The following SYT9 variants were observed in gnomAD, a reference collection of about 807,000 sequenced individuals.
The protein encoded by SYT9 is synaptotagmin 9, also known as synaptotagmin-9.
In SYT9, 22 loss-of-function variants were observed where a neutral mutation model predicts 48.4. The observed-to-expected ratio is 0.45, with a 90% CI of 0.32 to 0.65. SYT9 has a LOEUF of 0.65. Ranked by LOEUF, SYT9 falls within the 30% of genes least tolerant of loss-of-function variation. The probability of loss-of-function intolerance (pLI) is 0.03; values close to 1 mark genes in which losing one functional copy is unlikely to be tolerated. For synonymous variants in SYT9, 265 were observed against 245.0 expected (o/e 1.08, Z -0.76); for missense variants, 577 against 622.0 (o/e 0.93, Z 0.77).
chr11:7,378,224 G>T (rs1446832909), intron 3 of SYT9, among the ~76,000 whole-genome samples: 1 of 152,144 alleles, frequency 6.6e-6, no homozygotes. Context: ...GAAGGTGGGT[G>T]TGGGGGTTAA....
intron 6 of SYT9, 71 bp downstream of exon 6, chr11:7,420,706 C>G: frequency 1.3e-6 from 2 of 1,583,654 alleles, no homozygotes; most frequent in Non-Finnish European, 1.7e-6. Context: ...CAGGAGCTGC[C>G]AAACATATGA....
chr11:7,436,499 A>G (rs1287866748), intron 6 of SYT9, among the ~76,000 whole-genome samples: 1 of 152,242 alleles, frequency 6.6e-6, no homozygotes, highest in Non-Finnish European at 1.5e-5. Context: ...ATGTTTCTAG[A>G]TTATTTGTAA....
At chr11:7,326,340 G>A (rs1273861922) in intron 3 of SYT9, among the ~76,000 whole-genome samples, 167 of 68,126 alleles carry the variant, frequency 2.5e-3, no homozygotes, top group Non-Finnish European at 4.2e-3. Flanking sequence ...GTTTAGTCTT[G>A]GGAGAGTGTA....
Position 7,418,015 on chromosome 11 carries a change from A to G in SYT9, c.1224A>G (p.Thr408=). 6.2e-7 allele frequency: 1 copy of G among 1,614,224 alleles called. No individual in the cohort carries two copies. The highest frequency in any genetic ancestry group is 8.5e-7 in the Non-Finnish European group (1 of 1,180,040). Residue 408 remains threonine (T), a synonymous_variant, in exon 5 of 7, where the codon ACA becomes ACG. Transcript: ENST00000318881. The part of the protein sequence containing the change: ...CDGRRLKKRK[T]STKRNTLNPV... ...GCAGACGACTGAAGAAGAGGAAAAC[A>G]TCCACCAAGAGGAACACCTTGAATC...
chr11:7,311,109 C>A (rs142222725), intron 2 of SYT9, among the ~76,000 whole-genome samples: 1 of 152,228 alleles, frequency 6.6e-6, no homozygotes, highest in African/African-American at 2.4e-5. Context: ...TCGAGACCAG[C>A]CTGACCAACA....
chr11:7,424,274 T>G (rs1294848930), intron 6 of SYT9, among the ~76,000 whole-genome samples: 2 of 152,170 alleles, frequency 1.3e-5, no homozygotes, highest in African/African-American at 4.8e-5. Context: ...TAGGGCTCCC[T>G]TTACTCCCCA....
At chr11:7,317,005 T>A (rs573791766) in intron 3 of SYT9, among the ~76,000 whole-genome samples, 1 of 152,366 alleles carries the variant, frequency 6.6e-6, no homozygotes, top group Non-Finnish European at 1.5e-5. Context: ...GGGATGCAAA[T>A]CCCTTGTTGG....
intron 3 of SYT9, among the ~76,000 whole-genome samples, chr11:7,324,964 G>C (rs1849403875): frequency 6.6e-6 from 1 of 151,812 alleles, no homozygotes; most frequent in Admixed American, 6.6e-5. Flanking sequence ...TTCATCTTTA[G>C]TTCTATCAAA....
At chr11:7,270,780 A>C (rs1848278854) in intron 1 of SYT9, among the ~76,000 whole-genome samples, 1 of 152,044 alleles carries the variant, frequency 6.6e-6, no homozygotes, top group Admixed American at 6.6e-5. Flanking sequence ...TCTTGTGAAA[A>C]GCTGCTTCCA....
At chr11:7,295,070 C>T (rs1170639869) in intron 1 of SYT9, among the ~76,000 whole-genome samples, 2 of 152,156 alleles carry the variant, frequency 1.3e-5, no homozygotes, top group African/African-American at 4.8e-5. Flanking sequence ...GTCAGTTGGC[C>T]ACACTGTTAG....
intron 3 of SYT9, among the ~76,000 whole-genome samples, chr11:7,337,107 A>G (rs777006525): frequency 6.6e-6 from 1 of 151,978 alleles, no homozygotes; most frequent in East Asian, 1.9e-4. Flanking sequence ...TTTTGTGACA[A>G]TTGTGAATGG....
At chr11:7,443,476 A>G (rs186654793) in intron 6 of SYT9, among the ~76,000 whole-genome samples, 3 of 152,376 alleles carry the variant, frequency 2.0e-5, no homozygotes, top group Non-Finnish European at 4.4e-5. Context: ...GCCCGTGCAC[A>G]TGGTAGGCAC....
chr11:7,255,750 C>A (rs984682049), intron 1 of SYT9, among the ~76,000 whole-genome samples: 1 of 152,096 alleles, frequency 6.6e-6, no homozygotes, highest in African/African-American at 2.4e-5. Context: ...GGAGGGAAAT[C>A]ATGAGGTTTA....
intron 6 of SYT9, among the ~76,000 whole-genome samples, chr11:7,463,812 C>T (rs1848278076): frequency 1.3e-5 from 2 of 152,176 alleles, no homozygotes; most frequent in South Asian, 4.1e-4. Flanking sequence ...GTAGGCTGCA[C>T]CGCCGTATTT....
intron 3 of SYT9, among the ~76,000 whole-genome samples, chr11:7,374,322 T>TG (rs1850415758): frequency 6.6e-6 from 1 of 152,128 alleles, no homozygotes; most frequent in Non-Finnish European, 1.5e-5. Context: ...AGTCTATCAT[T>TG]ATGGGCATTT....
At chr11:7,430,201 G>C (rs1847543660) in intron 6 of SYT9, among the ~76,000 whole-genome samples, 1 of 152,076 alleles carries the variant, frequency 6.6e-6, no homozygotes, top group Non-Finnish European at 1.5e-5. Context: ...TTCAGTCATT[G>C]GTGGTAGAAT....
intron 3 of SYT9, among the ~76,000 whole-genome samples, chr11:7,353,816 T>G (rs1589966634): frequency 6.6e-6 from 1 of 152,366 alleles, no homozygotes; most frequent in East Asian, 1.9e-4. Flanking sequence ...ATGCACTGAC[T>G]GCCAGTATAT....
intron 1 of SYT9, among the ~76,000 whole-genome samples, chr11:7,275,598 A>G (rs1848373157): frequency 1.3e-5 from 2 of 152,118 alleles, no homozygotes; most frequent in African/African-American, 4.8e-5. Context: ...GTCCTCTCCA[A>G]TCCTAGAACA....
rs573508183 is a variant in SYT9 at position 7,368,395 on chromosome 11, A to C, written c.1045-47647A>C. Among the ~76,000 whole-genome samples, 3 of 152,228 alleles carry C rather than the reference A, an allele frequency of 2.0e-5. No homozygotes were observed. In the South Asian group the frequency reaches 6.2e-4, roughly 32 times the overall value. On this transcript the variant is annotated intron_variant, in intron 3 of 6. Transcript: ENST00000318881. Reference sequence around the variant, plus strand: ...TTAAGTTCTGGGATACATGTGCAGAATGTGCAGGTCTGTTACTTAGGTATA... The same window carrying C: ...TTAAGTTCTGGGATACATGTGCAGACTGTGCAGGTCTGTTACTTAGGTATA...
Sources: gnomAD v4.1 joint callset for allele counts (sites outside exome capture counted in the v4.1 genomes callset) on GRCh38, gnomAD v4.1.1 for gene constraint, MANE v1.5 for transcripts, NCBI Gene and HGNC (gene_info 2026-07-23, HGNC 2026-07-21) for gene names.